PTPRC: variants seen among roughly 807,000 people sequenced by gnomAD.
PTPRC encodes the protein receptor-type tyrosine-protein phosphatase C.
In PTPRC, 44 loss-of-function variants were observed where a neutral mutation model predicts 155.9. The observed-to-expected ratio is 0.28, with a 90% confidence interval of 0.22 to 0.36. PTPRC has a LOEUF of 0.36. Ranked by LOEUF, PTPRC falls within the 10% of genes least tolerant of loss-of-function variation. The pLI is 1.00. For synonymous variants in PTPRC, 525 were observed against 533.1 expected (o/e 0.98, Z 0.21); for missense variants, 1,401 against 1,564.6 (o/e 0.90, Z 1.76).
At chr1:198,707,750 A>G (rs1653068228) in intron 9 of PTPRC, among the ~76,000 whole-genome samples, 1 of 152,362 alleles carries the variant, frequency 6.6e-6, no homozygotes, top group South Asian at 2.1e-4. Context: ...TACACTTTAT[A>G]ATAATCATTC....
intron 23 of PTPRC, 143 bp from the exon 24 acceptor site, chr1:198,741,724 TAA>T (rs1654907630): frequency 3.8e-6 from 3 of 798,622 alleles, no homozygotes; most frequent in South Asian, 1.8e-5. Flanking sequence ...AGAAAATATA[TAA>T]GACACCTGAG....
chr1:198,744,775 T>C (rs1392859782), intron 26 of PTPRC, among the ~76,000 whole-genome samples: 1 of 151,868 alleles, frequency 6.6e-6, no homozygotes, highest in Non-Finnish European at 1.5e-5. Flanking sequence ...TTTGTGTTTT[T>C]TTTGTTCCAC....
chr1:198,645,932 C>T (rs905123559), intron 2 of PTPRC, among the ~76,000 whole-genome samples: 1 of 151,742 alleles, frequency 6.6e-6, no homozygotes, highest in African/African-American at 2.4e-5. Context: ...CCATACCCAC[C>T]ATTACCAGGA....
intron 4 of PTPRC, among the ~76,000 whole-genome samples, chr1:198,697,676 T>C (rs1666269736): frequency 6.6e-6 from 1 of 152,224 alleles, no homozygotes; most frequent in South Asian, 2.1e-4. Flanking sequence ...ATGTGTTATG[T>C]TGACTTTTTT....
chr1:198,749,069 G>A (rs924701541), intron 27 of PTPRC, among the ~76,000 whole-genome samples: 1 of 151,514 alleles, frequency 6.6e-6, no homozygotes, highest in Non-Finnish European at 1.5e-5. Flanking sequence ...AAAAATCTAC[G>A]CTATGTATTT....
chr1:198,687,372 T>C (rs75728435), intron 2 of PTPRC, among the ~76,000 whole-genome samples: 12 of 152,320 alleles, frequency 7.9e-5, no homozygotes, highest in African/African-American at 2.6e-4. Flanking sequence ...TGTTTAATAA[T>C]GTTTGCACAT....
At chr1:198,686,068 G>A (rs557909325) in intron 2 of PTPRC, among the ~76,000 whole-genome samples, 1 of 151,972 alleles carries the variant, frequency 6.6e-6, no homozygotes, top group Non-Finnish European at 1.5e-5. Flanking sequence ...TCTGATCAGG[G>A]ACTTAGGGGT....
At chr1:198,748,294 A>G in intron 27 of PTPRC, 95 bp downstream of exon 27, 1 of 1,468,244 alleles carries the variant, frequency 6.8e-7, no homozygotes, top group Non-Finnish European at 9.1e-7. Flanking sequence ...AATTATCTTG[A>G]AGCAAGTTTT....
intron 2 of PTPRC, among the ~76,000 whole-genome samples, chr1:198,648,914 A>G (rs1663085611): frequency 1.3e-5 from 2 of 151,830 alleles, no homozygotes; most frequent in Non-Finnish European, 2.9e-5. Flanking sequence ...CAAAGTATCT[A>G]GATTTTTTTT....
chr1:198,735,333 A>G (rs1654585080), intron 23 of PTPRC, 81 bp downstream of exon 23: 2 of 1,232,942 alleles, frequency 1.6e-6, no homozygotes, highest in South Asian at 2.9e-5. Context: ...GTGAGAAAAT[A>G]AAATATATCA....
At chr1:198,734,923 A>G (rs1372904441) in intron 22 of PTPRC, among the ~76,000 whole-genome samples, 1 of 151,730 alleles carries the variant, frequency 6.6e-6, no homozygotes, top group Non-Finnish European at 1.5e-5. Context: ...GCTAAAAAGT[A>G]TGAAGGAAAT....
chr1:198,683,564 A>C (rs1316638635), intron 2 of PTPRC, among the ~76,000 whole-genome samples: 1 of 152,130 alleles, frequency 6.6e-6, no homozygotes, highest in African/African-American at 2.4e-5. Flanking sequence ...AATATGGGTA[A>C]GGAAGCATCT....
At chr1:198,728,492 A>G (rs777222376) in intron 16 of PTPRC, 44 bp downstream of exon 16, 1 of 1,600,386 alleles carries the variant, frequency 6.2e-7, no homozygotes, top group South Asian at 1.1e-5. Context: ...GGTATTAGTA[A>G]TGGTGCAAAC....
intron 2 of PTPRC, among the ~76,000 whole-genome samples, chr1:198,666,190 A>G (rs1224489407): frequency 2.0e-5 from 3 of 150,240 alleles, no homozygotes; most frequent in Admixed American, 1.3e-4. Flanking sequence ...CCATGGTCAC[A>G]CCACTGCACT....
intron 2 of PTPRC, among the ~76,000 whole-genome samples, chr1:198,651,136 TA>T (rs1365871251): frequency 1.3e-5 from 2 of 151,864 alleles, no homozygotes; most frequent in African/African-American, 4.8e-5. Context: ...TTTGTTTTAA[TA>T]AAAACTACAG....
At chr1:198,692,539 G>A (rs115067628) in intron 3 of PTPRC, 166 bp downstream of exon 3, 14,898 of 1,084,346 alleles carry the variant, frequency 0.014, 126 homozygotes, top group Non-Finnish European at 0.016. Context: ...CTGCTTATAC[G>A]TTATAGAGTT....
chr1:198,752,525 T>C, intron 30 of PTPRC, 69 bp from the exon 31 acceptor site: 14 of 1,543,146 alleles, frequency 9.1e-6, no homozygotes, highest in Non-Finnish European at 1.2e-5. Context: ...GTGAAGAAAA[T>C]ATGACTATCA....
chr1:198,640,669 A>G (rs1268582692), intron 2 of PTPRC, among the ~76,000 whole-genome samples: 1 of 152,060 alleles, frequency 6.6e-6, no homozygotes, highest in Non-Finnish European at 1.5e-5. Context: ...GTATATTATC[A>G]CAAATCAGAA....
chr1:198,690,378 A>G (rs1029864358), intron 2 of PTPRC, among the ~76,000 whole-genome samples: 3 of 152,128 alleles, frequency 2.0e-5, no homozygotes, highest in African/African-American at 7.2e-5. Flanking sequence ...GGGAACATAA[A>G]CATAACAATA....
Sources: allele counts gnomAD v4.1 joint callset (sites outside exome capture counted in the v4.1 genomes callset), GRCh38; gene constraint gnomAD v4.1.1; transcripts MANE v1.5; gene names NCBI Gene and HGNC (gene_info 2026-07-23, HGNC 2026-07-21).